Variants in TRAPPC9 observed in about 807,000 individuals in gnomAD.
The protein encoded by TRAPPC9 is trafficking protein particle complex subunit 9.
TRAPPC9 carries 83 observed loss-of-function variants against 124.0 expected under a neutral mutation model. The ratio of observed to expected loss-of-function variants is 0.67; its 90% CI spans 0.56 to 0.80. The LOEUF is 0.80. TRAPPC9 is among the 30% of genes least tolerant of loss of function. The probability of loss-of-function intolerance (pLI) is 0.00; values close to 1 mark genes in which losing one functional copy is unlikely to be tolerated. For synonymous variants in TRAPPC9, 638 were observed against 617.5 expected (o/e 1.03, Z -0.49); for missense variants, 1,302 against 1,508.3 (o/e 0.86, Z 2.27).
chr8:140,454,339 C>G (rs2071575629), intron 1 of TRAPPC9, among the ~76,000 whole-genome samples: 1 of 151,174 alleles, frequency 6.6e-6, no homozygotes, highest in South Asian at 2.1e-4. Flanking sequence ...ATCGTCTCAT[C>G]TAAAAAGCAG....
intron 6 of TRAPPC9, among the ~76,000 whole-genome samples, chr8:140,403,761 G>A (rs2069365676): frequency 6.6e-6 from 1 of 151,840 alleles, no homozygotes; most frequent in South Asian, 2.1e-4. Flanking sequence ...GGGCTCAAGT[G>A]ATTCTTGAGC....
At chr8:139,972,578 C>G (rs923010201) in intron 19 of TRAPPC9, among the ~76,000 whole-genome samples, 2 of 152,124 alleles carry the variant, frequency 1.3e-5, no homozygotes, top group Admixed American at 1.3e-4. Flanking sequence ...TTCAGACTCC[C>G]CAGACCACGT....
rs1322897468 is a variant in TRAPPC9, at chr8:139,728,214, C to A, written c.*2847G>T. ...TCAGACATCTTCCTTTGAATCCTTG[C>A]CTTCCTTGTGAATTTCAGATGACGG... is the stretch of plus-strand genomic sequence containing the variant. On this transcript the variant is annotated 3_prime_UTR_variant, in exon 23 of 23. Transcript: ENST00000438773. Among the ~76,000 whole-genome samples, 1 of 152,192 alleles carries A rather than the reference C, an allele frequency of 6.6e-6. No homozygotes were observed. Among genetic ancestry groups the A allele is most frequent in the Admixed American group, 6.5e-5 (1 of 15,282 alleles).
chr8:140,266,339 T>C (rs1014483915), intron 15 of TRAPPC9, among the ~76,000 whole-genome samples: 15 of 151,966 alleles, frequency 9.9e-5, no homozygotes, highest in African/African-American at 3.4e-4. Flanking sequence ...GGCTCATACC[T>C]GGAGTCCCAG....
At chr8:140,003,945 A>C (rs1202895313) in intron 18 of TRAPPC9, among the ~76,000 whole-genome samples, 1 of 152,270 alleles carries the variant, frequency 6.6e-6, no homozygotes, top group Non-Finnish European at 1.5e-5. Flanking sequence ...GTAACAGCCT[A>C]AATGTCCTTT....
chr8:140,189,733 G>GA (rs2062440329), intron 17 of TRAPPC9, among the ~76,000 whole-genome samples: 1 of 151,836 alleles, frequency 6.6e-6, no homozygotes, highest in Admixed American at 6.6e-5. Context: ...TTTGTGATAG[G>GA]AAAAAAATAA....
At chr8:140,179,752 T>C (rs950380964) in intron 17 of TRAPPC9, among the ~76,000 whole-genome samples, 1 of 152,100 alleles carries the variant, frequency 6.6e-6, no homozygotes, top group African/African-American at 2.4e-5. Context: ...AGCTCTGTTA[T>C]TGGGTGTATA....
intron 17 of TRAPPC9, among the ~76,000 whole-genome samples, chr8:140,057,431 CA>C (rs1458217215): frequency 6.6e-6 from 1 of 152,214 alleles, no homozygotes; most frequent in Non-Finnish European, 1.5e-5. Context: ...GAGGTAGAAA[CA>C]ACCTCAGTGT....
chr8:140,009,713 T>G (rs1177737639), intron 18 of TRAPPC9, among the ~76,000 whole-genome samples: 1 of 152,218 alleles, frequency 6.6e-6, no homozygotes, highest in Non-Finnish European at 1.5e-5. Context: ...AACAGCACAT[T>G]CTCTGAAAGC....
chr8:139,760,285 T>C (rs917252165), intron 21 of TRAPPC9, among the ~76,000 whole-genome samples: 5 of 152,004 alleles, frequency 3.3e-5, no homozygotes, highest in Non-Finnish European at 5.9e-5. Flanking sequence ...CAATGGGGGC[T>C]TTCCCCCCAT....
chr8:140,067,936 A>T (rs1410890641), intron 17 of TRAPPC9, among the ~76,000 whole-genome samples: 1 of 152,190 alleles, frequency 6.6e-6, no homozygotes, highest in African/African-American at 2.4e-5. Context: ...CACCTGGCCC[A>T]TACCCAGCCC....
intron 21 of TRAPPC9, among the ~76,000 whole-genome samples, chr8:139,740,260 C>T (rs112200419): frequency 3.9e-5 from 6 of 152,342 alleles, no homozygotes; most frequent in South Asian, 4.1e-4. Flanking sequence ...GCCAGAGTTA[C>T]GGACATAATT....
intron 4 of TRAPPC9, among the ~76,000 whole-genome samples, chr8:140,434,477 A>C (rs2070745344): frequency 6.6e-6 from 1 of 152,172 alleles, no homozygotes; most frequent in Admixed American, 6.5e-5. Context: ...CAGGCCCTGA[A>C]TCAGCTTATT....
chr8:140,186,779 A>C (rs1054829792), intron 17 of TRAPPC9, among the ~76,000 whole-genome samples: 1 of 152,348 alleles, frequency 6.6e-6, no homozygotes, highest in South Asian at 2.1e-4. Flanking sequence ...GGGAATGTAC[A>C]GCTGGTGAAA....
intron 17 of TRAPPC9, among the ~76,000 whole-genome samples, chr8:140,154,294 C>T (rs1247068769): frequency 6.6e-6 from 1 of 152,298 alleles, no homozygotes; most frequent in Middle Eastern, 3.4e-3. Flanking sequence ...CTGAAATCCA[C>T]CCATTTCTCT....
chr8:140,108,709 G>A (rs1237314644), intron 17 of TRAPPC9, among the ~76,000 whole-genome samples: 1 of 152,210 alleles, frequency 6.6e-6, no homozygotes, highest in East Asian at 1.9e-4. Flanking sequence ...GTGTCCCAGT[G>A]CCTAGAAGCA....
chr8:139,985,984 C>A (rs569502055), intron 19 of TRAPPC9, among the ~76,000 whole-genome samples: 10 of 152,306 alleles, frequency 6.6e-5, no homozygotes, highest in South Asian at 2.1e-4. Flanking sequence ...GTGGCTCTTG[C>A]CTGTAATTCC....
intron 21 of TRAPPC9, among the ~76,000 whole-genome samples, chr8:139,779,738 G>A (rs984987790): frequency 6.6e-6 from 1 of 152,072 alleles, no homozygotes; most frequent in Non-Finnish European, 1.5e-5. Context: ...AACTATCTTT[G>A]TTCATAGATG....
chr8:139,888,595 C>T (rs767889955), intron 20 of TRAPPC9, among the ~76,000 whole-genome samples: 4 of 152,140 alleles, frequency 2.6e-5, no homozygotes, highest in Non-Finnish European at 5.9e-5. Context: ...TCTGTTGCCT[C>T]GAACTCCCTT....
Sources: allele counts gnomAD v4.1 joint callset (sites outside exome capture counted in the v4.1 genomes callset), GRCh38; gene constraint gnomAD v4.1.1; transcripts MANE v1.5; gene names NCBI Gene and HGNC (gene_info 2026-07-23, HGNC 2026-07-21).